Variants in PELI2 observed in about 807,000 individuals in gnomAD.
PELI2 encodes E3 ubiquitin-protein ligase pellino homolog 2.
Under a neutral mutation model 42.3 loss-of-function variants are expected in PELI2, and 23 were observed. The ratio of observed to expected loss-of-function variants is 0.54; its 90% CI spans 0.39 to 0.77. The LOEUF is 0.77. PELI2 is among the 30% of genes least tolerant of loss of function. PELI2 has a pLI of 0.00. For missense variants in PELI2, 463 were observed against 553.2 expected (o/e 0.84, Z 1.64); for synonymous variants, 245 against 212.2 (o/e 1.15, Z -1.34).
At chr14:56,155,681 GC>G (rs918963661) in intron 1 of PELI2, among the ~76,000 whole-genome samples, 4 of 151,072 alleles carry the variant, frequency 2.6e-5, no homozygotes, top group African/African-American at 9.7e-5. Flanking sequence ...TCCCGGGTTC[GC>G]CCCATTCTCC....
At chr14:56,146,283 G>T (rs189600532) in intron 1 of PELI2, among the ~76,000 whole-genome samples, 46 of 152,212 alleles carry the variant, frequency 3.0e-4, no homozygotes, top group African/African-American at 1.1e-3. Flanking sequence ...GACAGACAAT[G>T]GAAATGGTAA....
At chr14:56,198,191 C>T (rs1198076972) in intron 2 of PELI2, among the ~76,000 whole-genome samples, 3 of 151,948 alleles carry the variant, frequency 2.0e-5, no homozygotes, top group East Asian at 1.9e-4. Context: ...AAAGAGGAGC[C>T]GGTTTAAGGA....
chr14:56,198,199 G>A (rs1886209577), intron 2 of PELI2, among the ~76,000 whole-genome samples: 1 of 152,138 alleles, frequency 6.6e-6, no homozygotes, highest in Non-Finnish European at 1.5e-5. Flanking sequence ...GCCGGTTTAA[G>A]GAGAAACTCA....
At chr14:56,126,358 G>A (rs577982202) in intron 1 of PELI2, among the ~76,000 whole-genome samples, 15 of 152,320 alleles carry the variant, frequency 9.8e-5, no homozygotes, top group African/African-American at 3.1e-4. Flanking sequence ...AGGCTATTGC[G>A]AGTCATTCTC....
Position 56,254,115 on chromosome 14 carries a change from T to C in PELI2, c.208-25561T>C, listed in dbSNP as rs541529399. On this transcript the variant is annotated intron_variant, in intron 2 of 5. Transcript: ENST00000267460. ...AAAGGATTTCCTACTTAATAAATGA[T>C]GTTGGCCAGGCGTGGTGGCTCACGC... Among the ~76,000 whole-genome samples, 8 of 152,290 alleles carry C rather than the reference T, an allele frequency of 5.3e-5. No individual in the cohort carries two copies. In the East Asian group the frequency reaches 1.5e-3, roughly 29 times the overall value.
At chr14:56,135,237 G>T (rs1474461940) in intron 1 of PELI2, among the ~76,000 whole-genome samples, 1 of 152,210 alleles carries the variant, frequency 6.6e-6, no homozygotes, top group Non-Finnish European at 1.5e-5. Context: ...TGCTCAGTGT[G>T]TGTGCACACA....
rs1330668475 is a variant in PELI2 at position 56,298,246 on chromosome 14, T to A, written c.*1080T>A. On this transcript the variant is annotated 3_prime_UTR_variant, in exon 6 of 6. Transcript: ENST00000267460. ...GAAAATGTTTGCGAATCAAACTAAATTTAAGTGGGATGATTAGATATACAC... is the reference window on the plus strand; with the variant it reads ...GAAAATGTTTGCGAATCAAACTAAAATTAAGTGGGATGATTAGATATACAC... The A allele has an allele frequency of 1.3e-5, 2 of 152,586 alleles. No homozygotes were observed. The highest frequency in any genetic ancestry group is 2.9e-5 in the Non-Finnish European group (2 of 68,034). 9.5% of individuals were successfully genotyped at this position (152,586 alleles called of 1,614,324 possible). A position where few individuals can be genotyped will look rare whatever the true frequency, so the allele number is the denominator to read the frequency against.
chr14:56,231,039 T>C (rs1037209957), intron 2 of PELI2, among the ~76,000 whole-genome samples: 3 of 152,096 alleles, frequency 2.0e-5, no homozygotes, highest in Non-Finnish European at 4.4e-5. Context: ...AGGGATCAAT[T>C]CACCAAGAAG....
At chr14:56,190,620 A>G (rs1885921707) in intron 2 of PELI2, among the ~76,000 whole-genome samples, 1 of 152,124 alleles carries the variant, frequency 6.6e-6, no homozygotes, top group Non-Finnish European at 1.5e-5. Flanking sequence ...GATCTATAGT[A>G]TAGACTTTTT....
At chr14:56,269,106 C>G (rs1029387662) in intron 2 of PELI2, among the ~76,000 whole-genome samples, 1 of 152,078 alleles carries the variant, frequency 6.6e-6, no homozygotes. Flanking sequence ...CTACACTTTG[C>G]CCCTGTTTTC....
intron 2 of PELI2, among the ~76,000 whole-genome samples, chr14:56,188,821 C>G (rs1473141749): frequency 1.3e-5 from 2 of 152,122 alleles, no homozygotes; most frequent in Non-Finnish European, 2.9e-5. Flanking sequence ...TCTGTAGGCT[C>G]TTGGGCAAAA....
intron 1 of PELI2, among the ~76,000 whole-genome samples, chr14:56,159,263 G>A (rs117227587): frequency 0.022 from 3,338 of 152,284 alleles, 60 homozygotes; most frequent in Middle Eastern, 0.051. Context: ...GTGGCTTTGC[G>A]CCTGCTGTGT....
At chr14:56,222,177 T>C (rs1258750369) in intron 2 of PELI2, among the ~76,000 whole-genome samples, 2 of 152,238 alleles carry the variant, frequency 1.3e-5, no homozygotes, top group African/African-American at 4.8e-5. Context: ...CTAGAAGCTT[T>C]ATCTGTGTCA....
intron 2 of PELI2, among the ~76,000 whole-genome samples, chr14:56,207,020 A>C (rs1886542739): frequency 1.3e-5 from 2 of 152,234 alleles, no homozygotes; most frequent in Admixed American, 1.3e-4. Context: ...ATTCAATTGT[A>C]ATTCTGCAGA....
At chr14:56,252,847 A>G (rs56280775) in intron 2 of PELI2, among the ~76,000 whole-genome samples, 3 of 152,106 alleles carry the variant, frequency 2.0e-5, no homozygotes, top group African/African-American at 4.8e-5. Flanking sequence ...CTCCTCCTCA[A>G]CTCATTCTAT....
At chr14:56,154,664 A>G (rs1490677583) in intron 1 of PELI2, among the ~76,000 whole-genome samples, 2 of 152,220 alleles carry the variant, frequency 1.3e-5, no homozygotes, top group East Asian at 3.9e-4. Context: ...GGACTAATAC[A>G]GACATTCATG....
At chr14:56,190,459 C>G (rs1885917525) in intron 2 of PELI2, among the ~76,000 whole-genome samples, 2 of 152,080 alleles carry the variant, frequency 1.3e-5, no homozygotes, top group African/African-American at 4.8e-5. Context: ...TGAACACATC[C>G]ATTTCTACAG....
At chr14:56,280,251 G>A (rs79945580) in intron 3 of PELI2, among the ~76,000 whole-genome samples, 5,708 of 151,904 alleles carry the variant, frequency 0.038, 340 homozygotes, top group African/African-American at 0.13. Flanking sequence ...AAAGAAAGAA[G>A]ATCAAGGGAC....
At chr14:56,140,476 G>T (rs1883866394) in intron 1 of PELI2, among the ~76,000 whole-genome samples, 1 of 152,152 alleles carries the variant, frequency 6.6e-6, no homozygotes, top group Non-Finnish European at 1.5e-5. Flanking sequence ...GGTCTAAAAA[G>T]AAAAGGACAT....
Sources: gnomAD v4.1 joint callset for allele counts (sites outside exome capture counted in the v4.1 genomes callset) on GRCh38, gnomAD v4.1.1 for gene constraint, MANE v1.5 for transcripts, NCBI Gene and HGNC (gene_info 2026-07-23, HGNC 2026-07-21) for gene names.